The following LRRC37A2 variants were observed in gnomAD, a reference collection of about 807,000 sequenced individuals.
LRRC37A2 encodes leucine-rich repeat-containing protein 37A2.
A neutral mutation model predicts 68.8 loss-of-function variants in LRRC37A2; 9 were observed. That is an observed-to-expected ratio of 0.13 (90% CI 0.08 to 0.23). The LOEUF (loss-of-function observed/expected upper bound fraction) is 0.23, where lower values mean the gene tolerates loss of function less well. Ranked by LOEUF, LRRC37A2 falls within the 10% of genes least tolerant of loss-of-function variation. The pLI, the probability that LRRC37A2 is intolerant of heterozygous loss-of-function variation, is 1.00. For synonymous variants in LRRC37A2, 63 were observed against 367.6 expected (o/e 0.17, Z 9.48); for missense variants, 168 against 950.4 (o/e 0.18, Z 10.82).
At chr17:46,809,302 C>T in the LRRC37A2 span, among the ~76,000 whole-genome samples, 1 of 152,136 alleles carries the variant, frequency 6.6e-6, no homozygotes, top group Admixed American at 6.5e-5. Context: ...CCTGCTCACT[C>T]ACAGCACAAG....
chr17:46,875,505 G>A, the LRRC37A2 span: 282 of 1,212,792 alleles, frequency 2.3e-4, no homozygotes, highest in Non-Finnish European at 3.0e-4. Flanking sequence ...TGAACTTCAC[G>A]TCTTCAACCA....
chr17:46,998,710 C>T, the LRRC37A2 span: 3,027 of 152,356 alleles, frequency 0.02, 48 homozygotes, highest in Middle Eastern at 0.078. Flanking sequence ...CAGGATGCTT[C>T]GACCTTGTTC....
chr17:46,676,112 G>A, the LRRC37A2 span, among the ~76,000 whole-genome samples: 1 of 134,858 alleles, frequency 7.4e-6, no homozygotes, highest in Admixed American at 7.9e-5. Flanking sequence ...CAAAGGGGTT[G>A]TGTCTATGAA....
At chr17:46,409,444 T>A in the LRRC37A2 span, among the ~76,000 whole-genome samples, 1 of 151,786 alleles carries the variant, frequency 6.6e-6, no homozygotes, top group Non-Finnish European at 1.5e-5. Flanking sequence ...TGTGCCTGAC[T>A]AATTTTAAAA....
the LRRC37A2 span, among the ~76,000 whole-genome samples, chr17:46,718,652 C>T: frequency 6.6e-6 from 1 of 152,130 alleles, no homozygotes; most frequent in African/African-American, 2.4e-5. Context: ...TTTGGGCTTG[C>T]TCAGCTCTCC....
At chr17:46,839,157 C>T in the LRRC37A2 span, among the ~76,000 whole-genome samples, 7 of 152,208 alleles carry the variant, frequency 4.6e-5, no homozygotes, top group African/African-American at 7.2e-5. Flanking sequence ...GGATTACAGG[C>T]GTGAGCCACC....
At chr17:46,805,949 G>T in the LRRC37A2 span, among the ~76,000 whole-genome samples, 3 of 152,174 alleles carry the variant, frequency 2.0e-5, no homozygotes, top group African/African-American at 7.2e-5. Flanking sequence ...TGGAGCCTTC[G>T]GCAATGGAAT....
the LRRC37A2 span, chr17:46,940,271 A>G: frequency 3.6e-5 from 52 of 1,431,230 alleles, no homozygotes; most frequent in African/African-American, 7.0e-4. Context: ...GGAGATCTCC[A>G]TTGTTCCTAC....
the LRRC37A2 span, among the ~76,000 whole-genome samples, chr17:47,027,897 CTG>C: frequency 0.015 from 2,320 of 152,298 alleles, 39 homozygotes; most frequent in African/African-American, 0.054. Context: ...GTTGACAAAA[CTG>C]TGAGTGTGCT....
the LRRC37A2 span, among the ~76,000 whole-genome samples, chr17:46,910,881 C>A: frequency 6.6e-6 from 1 of 152,206 alleles, no homozygotes; most frequent in South Asian, 2.1e-4. Flanking sequence ...GAGGCTCCAA[C>A]TTTGGGAGGT....
the LRRC37A2 span, chr17:46,936,881 G>A: frequency 1.0e-6 from 1 of 965,164 alleles, no homozygotes; most frequent in African/African-American, 1.8e-5. Context: ...TGGGCAGAAT[G>A]TAGATTTTGG....
the LRRC37A2 span, chr17:46,930,853 C>A: frequency 9.0e-6 from 4 of 444,086 alleles, no homozygotes; most frequent in Non-Finnish European, 1.6e-5. Flanking sequence ...TACAGATTTA[C>A]CTTCAGCTTT....
the LRRC37A2 span, among the ~76,000 whole-genome samples, chr17:46,862,409 T>A: frequency 6.6e-6 from 1 of 152,098 alleles, no homozygotes; most frequent in Non-Finnish European, 1.5e-5. Flanking sequence ...CATAATATTC[T>A]CCCTGGTTTG....
the LRRC37A2 span, among the ~76,000 whole-genome samples, chr17:46,736,591 A>G: frequency 6.6e-6 from 1 of 152,186 alleles, no homozygotes; most frequent in Non-Finnish European, 1.5e-5. Flanking sequence ...TTTCTACAAT[A>G]AGCATATGTT....
chr17:46,488,598 A>T, the LRRC37A2 span, among the ~76,000 whole-genome samples: 1 of 97,140 alleles, frequency 1.0e-5, no homozygotes, highest in Non-Finnish European at 2.1e-5. Context: ...CCAGCTACTC[A>T]CGAGGCTGAG....
the LRRC37A2 span, among the ~76,000 whole-genome samples, chr17:46,965,910 C>T: frequency 3.3e-5 from 5 of 151,682 alleles, no homozygotes; most frequent in South Asian, 2.1e-4. Flanking sequence ...GGATTACAGA[C>T]GTGAGCCACT....
the LRRC37A2 span, among the ~76,000 whole-genome samples, chr17:46,956,667 A>C: frequency 2.0e-5 from 3 of 152,126 alleles, no homozygotes; most frequent in African/African-American, 7.2e-5. Context: ...CTTCGTTAGG[A>C]AGCTTGTCAA....
chr17:46,530,348 T>G lies in LRRC37A2; in HGVS notation c.2906+6464T>G, dbSNP rs1598376964. ...AAAGCCCTAGTTTGAGAATCCATAC[T>G]TAACCAGTCATGTGGCACTCACATT... On this transcript the variant is annotated intron_variant, in intron 6 of 14. Coordinates refer to ENST00000576629, the Ensembl canonical transcript of LRRC37A2. Among the ~76,000 whole-genome samples, 4 of 141,036 alleles carry G rather than the reference T, an allele frequency of 2.8e-5. No homozygotes were observed. In the South Asian group the frequency reaches 9.0e-4, roughly 32 times the overall value. 92.5% of individuals were successfully genotyped at this position (141,036 alleles called of 152,430 possible).
the LRRC37A2 span, among the ~76,000 whole-genome samples, chr17:46,993,806 G>A: frequency 2.6e-5 from 4 of 152,172 alleles, no homozygotes; most frequent in Non-Finnish European, 5.9e-5. Flanking sequence ...ACATGTGCCC[G>A]GGCTGACATC....
Sources: gnomAD v4.1 joint callset for allele counts (sites outside exome capture counted in the v4.1 genomes callset) on GRCh38, gnomAD v4.1.1 for gene constraint, MANE v1.5 for transcripts, NCBI Gene and HGNC (gene_info 2026-07-23, HGNC 2026-07-21) for gene names.